Variants in MNAT1 observed in about 807,000 individuals in gnomAD.
The protein encoded by MNAT1 is CDK-activating kinase assembly factor MAT1.
MNAT1 carries 43 observed loss-of-function variants against 42.0 expected under a neutral mutation model. The observed-to-expected ratio is 1.02, with a 90% CI of 0.80 to 1.32. The LOEUF is 1.32. MNAT1 is among the 40% of genes most tolerant of loss of function. The pLI, the probability that MNAT1 is intolerant of heterozygous loss-of-function variation, is 0.00. For synonymous variants in MNAT1, 118 were observed against 120.0 expected (o/e 0.98, Z 0.11); for missense variants, 306 against 350.4 (o/e 0.87, Z 1.01).
chr14:60,822,638 A>G (rs981659320), intron 6 of MNAT1, among the ~76,000 whole-genome samples: 3 of 146,442 alleles, frequency 2.0e-5, no homozygotes, highest in African/African-American at 7.6e-5. Flanking sequence ...GGCAGGGTAT[A>G]GTTATGTTGG....
chr14:60,785,872 C>G (rs964415696), intron 1 of MNAT1, among the ~76,000 whole-genome samples: 2 of 151,998 alleles, frequency 1.3e-5, no homozygotes, highest in Non-Finnish European at 2.9e-5. Flanking sequence ...AGCATCTTGA[C>G]TAGTTGTTAT....
chr14:60,872,869 C>CAT (rs759441466), intron 6 of MNAT1, among the ~76,000 whole-genome samples: 6 of 139,214 alleles, frequency 4.3e-5, no homozygotes, highest in African/African-American at 1.6e-4. Context: ...CACACACACA[C>CAT]ATATATATAT....
intron 7 of MNAT1, among the ~76,000 whole-genome samples, chr14:60,940,087 A>C (rs908176076): frequency 6.6e-6 from 1 of 152,086 alleles, no homozygotes; most frequent in African/African-American, 2.4e-5. Flanking sequence ...TTTGTTTGGT[A>C]GATCTTCCTC....
chr14:60,842,472 T>C (rs1319760440), intron 6 of MNAT1, among the ~76,000 whole-genome samples: 1 of 152,202 alleles, frequency 6.6e-6, no homozygotes, highest in African/African-American at 2.4e-5. Flanking sequence ...ATTTCATTTG[T>C]TTTTCTTCCC....
intron 7 of MNAT1, among the ~76,000 whole-genome samples, chr14:60,918,243 C>T (rs1335795595): frequency 1.0e-5 from 1 of 98,972 alleles, no homozygotes; most frequent in African/African-American, 3.8e-5. Flanking sequence ...GAGTCTCGGT[C>T]TGTCGCCCAG....
chr14:60,857,533 G>A (rs924067283), intron 6 of MNAT1, among the ~76,000 whole-genome samples: 5 of 152,018 alleles, frequency 3.3e-5, no homozygotes, highest in Admixed American at 3.3e-4. Flanking sequence ...TACAACAAAG[G>A]GTTTAGAATA....
chr14:60,936,268 G>T (rs1363270021), intron 7 of MNAT1, among the ~76,000 whole-genome samples: 4 of 152,136 alleles, frequency 2.6e-5, no homozygotes, highest in Non-Finnish European at 5.9e-5. Flanking sequence ...TAGGGTACAT[G>T]TGCACAACGT....
At chr14:60,957,656 A>C (rs1368334350) in intron 7 of MNAT1, among the ~76,000 whole-genome samples, 3 of 152,158 alleles carry the variant, frequency 2.0e-5, no homozygotes, top group African/African-American at 7.2e-5. Flanking sequence ...TTTCTGTGTC[A>C]GTGTATGTAT....
chr14:60,810,828 T>C (rs2032519234), intron 4 of MNAT1, among the ~76,000 whole-genome samples: 1 of 152,134 alleles, frequency 6.6e-6, no homozygotes, highest in Non-Finnish European at 1.5e-5. Flanking sequence ...CCGCTGCTGT[T>C]GAGTAGAATG....
At chr14:60,738,302 C>T (rs1416302310) in intron 1 of MNAT1, among the ~76,000 whole-genome samples, 2 of 137,946 alleles carry the variant, frequency 1.4e-5, no homozygotes, top group South Asian at 2.3e-4. Context: ...GTCACACAAG[C>T]TGGAGTGCCG....
At chr14:60,760,120 C>T (rs1161182964) in intron 1 of MNAT1, among the ~76,000 whole-genome samples, 1 of 151,964 alleles carries the variant, frequency 6.6e-6, no homozygotes, top group Admixed American at 6.6e-5. Flanking sequence ...ACAATATAAA[C>T]TTATGCATTA....
chr14:60,744,691 T>C (rs1896563580), intron 1 of MNAT1, among the ~76,000 whole-genome samples: 1 of 152,210 alleles, frequency 6.6e-6, no homozygotes, highest in African/African-American at 2.4e-5. Context: ...TTCCTTACTT[T>C]AGTGTAACTC....
At chr14:60,795,766 C>T (rs1442750559) in intron 1 of MNAT1, among the ~76,000 whole-genome samples, 2 of 152,100 alleles carry the variant, frequency 1.3e-5, no homozygotes, top group Non-Finnish European at 2.9e-5. Context: ...TTTCAAAAGA[C>T]ATTCTTACAA....
chr14:60,950,088 A>G (rs2036353214), intron 7 of MNAT1, among the ~76,000 whole-genome samples: 1 of 152,096 alleles, frequency 6.6e-6, no homozygotes, highest in South Asian at 2.1e-4. Context: ...TGTTTGCTTT[A>G]GAGATTTATC....
intron 6 of MNAT1, among the ~76,000 whole-genome samples, chr14:60,843,907 T>C (rs529212770): frequency 5.3e-5 from 8 of 152,200 alleles, no homozygotes; most frequent in Non-Finnish European, 1.0e-4. Flanking sequence ...TTAGAAACTT[T>C]GTAGTTTTTG....
intron 3 of MNAT1, among the ~76,000 whole-genome samples, chr14:60,803,226 C>T (rs920303311): frequency 6.6e-5 from 10 of 152,156 alleles, no homozygotes; most frequent in African/African-American, 2.4e-4. Flanking sequence ...TGAGCCACCG[C>T]ACCCAGCGAA....
rs35266802 is a variant in MNAT1 at position 60,907,435 on chromosome 14, C to CAA, written c.809+27619_809+27620dup. Among the ~76,000 whole-genome samples the CAA allele has an allele frequency of 1.7e-4, 11 of 65,072 alleles. 1 individual carries two copies. The highest frequency in any genetic ancestry group is 1.7e-3 in the East Asian group (4 of 2,396). 42.7% of individuals were successfully genotyped at this position (65,072 alleles called of 152,430 possible). A position where few individuals can be genotyped will look rare whatever the true frequency, so the allele number is the denominator to read the frequency against. ...GTGACAGAGCAAGACTCTGTCTCAC[C>CAA]AAAAAAAAAAAAAAAAAAAAGATGA... On this transcript the variant is annotated intron_variant, in intron 7 of 7. Coordinates refer to ENST00000261245, the MANE Select transcript of MNAT1 (RefSeq NM_002431.4).
intron 3 of MNAT1, among the ~76,000 whole-genome samples, chr14:60,802,053 T>C (rs146897864): frequency 1.9e-3 from 289 of 152,274 alleles, no homozygotes; most frequent in African/African-American, 6.8e-3. Context: ...GTCTCACTTA[T>C]ATCTGGAATC....
intron 7 of MNAT1, among the ~76,000 whole-genome samples, chr14:60,926,676 G>A (rs571373115): frequency 6.6e-6 from 1 of 152,310 alleles, no homozygotes; most frequent in South Asian, 2.1e-4. Context: ...ATCTCCACAA[G>A]TTCAGCTGTG....
Sources: gnomAD v4.1 joint callset for allele counts (sites outside exome capture counted in the v4.1 genomes callset) on GRCh38, gnomAD v4.1.1 for gene constraint, MANE v1.5 for transcripts, NCBI Gene and HGNC (gene_info 2026-07-23, HGNC 2026-07-21) for gene names.